Variants in DACH1 observed in about 807,000 individuals in gnomAD.
DACH1 encodes dachshund family transcription factor 1, also known as dachshund homolog 1.
In DACH1, 12 loss-of-function variants were observed where a neutral mutation model predicts 54.2. The ratio of observed to expected loss-of-function variants is 0.22; its 90% CI spans 0.14 to 0.36. The LOEUF (loss-of-function observed/expected upper bound fraction) is 0.36. Among genes scored for constraint, DACH1 ranks in the 10% least tolerant of loss-of-function variants. DACH1 has a pLI of 1.00. For synonymous variants in DACH1, 386 were observed against 366.2 expected (o/e 1.05, Z -0.62); for missense variants, 805 against 929.8 (o/e 0.87, Z 1.75).
At chr13:71,545,226 T>A (rs1268445106) in intron 6 of DACH1, among the ~76,000 whole-genome samples, 1 of 152,040 alleles carries the variant, frequency 6.6e-6, no homozygotes, top group East Asian at 1.9e-4. Flanking sequence ...AATAGAGAAG[T>A]CTAATCCCGA....
chr13:71,852,162 C>T (rs1296211472), intron 1 of DACH1, among the ~76,000 whole-genome samples: 1 of 152,190 alleles, frequency 6.6e-6, no homozygotes, highest in Non-Finnish European at 1.5e-5. Context: ...AGCAATCCAT[C>T]ATCCTGCAGA....
At chr13:71,597,274 G>A (rs1197097878) in intron 3 of DACH1, among the ~76,000 whole-genome samples, 1 of 152,152 alleles carries the variant, frequency 6.6e-6, no homozygotes, top group African/African-American at 2.4e-5. Flanking sequence ...TGTTAAACAT[G>A]TGAATTAATG....
At chr13:71,580,869 T>C (rs1479041504) in intron 3 of DACH1, among the ~76,000 whole-genome samples, 3 of 152,138 alleles carry the variant, frequency 2.0e-5, no homozygotes, top group Admixed American at 1.3e-4. Flanking sequence ...CTCTATTTTG[T>C]CTGTTTTTAC....
At chr13:71,796,065 T>C (rs1224016895) in intron 1 of DACH1, among the ~76,000 whole-genome samples, 1 of 152,202 alleles carries the variant, frequency 6.6e-6, no homozygotes, top group African/African-American at 2.4e-5. Flanking sequence ...TGGAATGCCT[T>C]GTATTACTGA....
chr13:71,684,356 T>G (rs1359988705), intron 1 of DACH1, among the ~76,000 whole-genome samples: 1 of 152,170 alleles, frequency 6.6e-6, no homozygotes, highest in African/African-American at 2.4e-5. Context: ...CAAAGCCATT[T>G]CAATATTTGG....
chr13:71,606,661 G>A (rs189099893), intron 3 of DACH1, among the ~76,000 whole-genome samples: 140 of 152,128 alleles, frequency 9.2e-4, no homozygotes, highest in African/African-American at 3.2e-3. Context: ...TAACTAGTGT[G>A]AGAAATACTT....
At chr13:71,851,387 A>G (rs1302955778) in intron 1 of DACH1, among the ~76,000 whole-genome samples, 3 of 152,218 alleles carry the variant, frequency 2.0e-5, no homozygotes, top group African/African-American at 7.2e-5. Flanking sequence ...TAACTAGTAA[A>G]TAATGATGTT....
chr13:71,702,134 A>T (rs1882168944), intron 1 of DACH1, among the ~76,000 whole-genome samples: 1 of 152,200 alleles, frequency 6.6e-6, no homozygotes. Context: ...GCAAGTCACA[A>T]GAAATGTATA....
chr13:71,649,744 C>T (rs532189074), intron 2 of DACH1, among the ~76,000 whole-genome samples: 5 of 152,158 alleles, frequency 3.3e-5, no homozygotes, highest in Non-Finnish European at 5.9e-5. Context: ...TCACTATACA[C>T]ATCTTGACTT....
chr13:71,464,935 A>G (rs1876430634), intron 10 of DACH1, among the ~76,000 whole-genome samples: 1 of 152,074 alleles, frequency 6.6e-6, no homozygotes, highest in Non-Finnish European at 1.5e-5. Flanking sequence ...AAAGCAATTA[A>G]TTTGCTTTGG....
intron 6 of DACH1, among the ~76,000 whole-genome samples, chr13:71,539,593 A>G (rs996952116): frequency 7.2e-5 from 11 of 152,128 alleles, no homozygotes; most frequent in Non-Finnish European, 1.3e-4. Flanking sequence ...CAATGTGCAC[A>G]AATTCCCCGA....
chr13:71,520,902 G>C (rs1283906901), intron 6 of DACH1, among the ~76,000 whole-genome samples: 2 of 151,930 alleles, frequency 1.3e-5, no homozygotes, highest in African/African-American at 4.8e-5. Flanking sequence ...AGGCTAAAAA[G>C]ATAATTTGTA....
At chr13:71,807,890 C>T (rs1887573360) in intron 1 of DACH1, among the ~76,000 whole-genome samples, 1 of 148,852 alleles carries the variant, frequency 6.7e-6, no homozygotes, top group African/African-American at 2.4e-5. Context: ...AAAAAGTCCT[C>T]ATTATTTGCA....
chr13:71,566,061 T>G (rs890080713), intron 4 of DACH1, among the ~76,000 whole-genome samples: 15 of 152,216 alleles, frequency 9.9e-5, no homozygotes, highest in African/African-American at 3.4e-4. Flanking sequence ...AAAAGGTAAG[T>G]GCTGATTTGA....
intron 10 of DACH1, among the ~76,000 whole-genome samples, chr13:71,472,811 T>C (rs1442544080): frequency 6.6e-6 from 1 of 152,218 alleles, no homozygotes; most frequent in Non-Finnish European, 1.5e-5. Context: ...TTTTTTGCCT[T>C]TCCCTTTCTT....
chr13:71,791,457 T>C (rs1886829629), intron 1 of DACH1, among the ~76,000 whole-genome samples: 1 of 152,176 alleles, frequency 6.6e-6, no homozygotes, highest in Non-Finnish European at 1.5e-5. Flanking sequence ...CTTGGCTCAC[T>C]GCAACCTCCA....
intron 1 of DACH1, among the ~76,000 whole-genome samples, chr13:71,749,764 G>A (rs1347431150): frequency 1.3e-5 from 2 of 152,114 alleles, no homozygotes; most frequent in Admixed American, 6.5e-5. Flanking sequence ...ACCCGACTAA[G>A]GAACACGAGT....
At chr13:71,546,451 C>T (rs1883471947) in intron 6 of DACH1, among the ~76,000 whole-genome samples, 1 of 151,958 alleles carries the variant, frequency 6.6e-6, no homozygotes, top group African/African-American at 2.4e-5. Context: ...TTAGTTATTA[C>T]TATTTTGATA....
rs144078930 is a variant in DACH1 at position 71,630,557 on chromosome 13, G to A, written c.1125C>T (p.Val375=). The A allele has an allele frequency of 1.1e-4, 167 of 1,582,100 alleles. No individual in the cohort carries two copies. In the African/African-American group the frequency reaches 1.9e-3, roughly 18 times the overall value. ...DSENGDMNSS[V]GLELPFMMMP... Reference sequence around the variant, plus strand: ...AGTTTCAGCGAACATAAAACTTACCGACACTTGAATTCATGTCCCCGTTTT... The same window carrying A: ...AGTTTCAGCGAACATAAAACTTACCAACACTTGAATTCATGTCCCCGTTTT... Residue 375 remains valine, a splice_region_variant and synonymous_variant, in exon 3 of 11, where the codon GTC becomes GTT. Transcript: ENST00000613252.
Sources: allele counts gnomAD v4.1 joint callset (sites outside exome capture counted in the v4.1 genomes callset), GRCh38; gene constraint gnomAD v4.1.1; transcripts MANE v1.5; gene names NCBI Gene and HGNC (gene_info 2026-07-23, HGNC 2026-07-21).